The following LRRC37A2 variants were observed in gnomAD, a reference collection of about 807,000 sequenced individuals.
LRRC37A2 encodes leucine rich repeat containing 37 member A2, also known as leucine-rich repeat-containing protein 37A2.
A neutral mutation model predicts 68.8 loss-of-function variants in LRRC37A2; 9 were observed. That is an observed-to-expected ratio of 0.13 (90% confidence interval 0.08 to 0.23). LRRC37A2 has a LOEUF of 0.23. Ranked by LOEUF, LRRC37A2 falls within the 10% of genes least tolerant of loss-of-function variation. LRRC37A2 has a pLI of 1.00. For synonymous variants in LRRC37A2, 63 were observed against 367.6 expected, an observed-to-expected ratio of 0.17 and a Z score of 9.48; for missense variants, 168 against 950.4, an observed-to-expected ratio of 0.18 and a Z score of 10.82.
At chr17:46,631,157 A>G in the LRRC37A2 span, among the ~76,000 whole-genome samples, 16,909 of 136,772 alleles carry the variant, frequency 0.12, 15 homozygotes, top group Non-Finnish European at 0.18. Flanking sequence ...AATTTTTTCT[A>G]AGTTAGATGG....
the LRRC37A2 span, among the ~76,000 whole-genome samples, chr17:46,786,189 C>G: frequency 2.6e-5 from 4 of 151,768 alleles, no homozygotes; most frequent in Non-Finnish European, 5.9e-5. Context: ...CTGGTGGGAC[C>G]TGGGGAGGAG....
the LRRC37A2 span, among the ~76,000 whole-genome samples, chr17:46,777,188 C>T: frequency 1.3e-5 from 2 of 151,910 alleles, no homozygotes; most frequent in East Asian, 1.9e-4. Context: ...CCAGCTTGGG[C>T]GACAGAGCGA....
the LRRC37A2 span, among the ~76,000 whole-genome samples, chr17:46,988,901 G>A: frequency 0.47 from 70,767 of 151,978 alleles, 17,160 homozygotes; most frequent in Non-Finnish European, 0.54. Context: ...AGTCTGGAGA[G>A]GAAGACAAGT....
chr17:46,730,769 A>C, the LRRC37A2 span, among the ~76,000 whole-genome samples: 1 of 152,168 alleles, frequency 6.6e-6, no homozygotes, highest in South Asian at 2.1e-4. Flanking sequence ...ACATTCAAAA[A>C]TAAGTAAAGT....
chr17:46,985,087 T>C, the LRRC37A2 span, among the ~76,000 whole-genome samples: 208 of 152,318 alleles, frequency 1.4e-3, no homozygotes, highest in African/African-American at 4.6e-3. Flanking sequence ...ACGTTTCAAA[T>C]TGGCAGAGGG....
the LRRC37A2 span, among the ~76,000 whole-genome samples, chr17:46,814,495 C>T: frequency 3.3e-5 from 5 of 152,188 alleles, no homozygotes; most frequent in Admixed American, 6.5e-5. Flanking sequence ...CTAATTTCCC[C>T]GCCATATCCC....
the LRRC37A2 span, among the ~76,000 whole-genome samples, chr17:46,955,963 C>A: frequency 6.6e-6 from 1 of 152,180 alleles, no homozygotes; most frequent in Non-Finnish European, 1.5e-5. Flanking sequence ...CCATTGGGAT[C>A]CAGATGCTGT....
At chr17:46,540,530 A>C (rs1256919363) in intron 7 of LRRC37A2, among the ~76,000 whole-genome samples, 1 of 148,448 alleles carries the variant, frequency 6.7e-6, no homozygotes, top group Non-Finnish European at 1.5e-5. Context: ...AAAGGTGTTC[A>C]TTATTCTAAA....
At chr17:46,871,495 G>T in the LRRC37A2 span, among the ~76,000 whole-genome samples, 3 of 152,132 alleles carry the variant, frequency 2.0e-5, no homozygotes, top group Non-Finnish European at 4.4e-5. Context: ...GGGAGACTCT[G>T]CTTAGCTGGA....
the LRRC37A2 span, chr17:47,018,505 C>G: frequency 6.6e-7 from 1 of 1,522,146 alleles, no homozygotes; most frequent in African/African-American, 1.4e-5. Flanking sequence ...CACCAGCAGG[C>G]TACAGCTCAG....
chr17:46,822,458 G>A, the LRRC37A2 span, among the ~76,000 whole-genome samples: 1 of 152,242 alleles, frequency 6.6e-6, no homozygotes, highest in Non-Finnish European at 1.5e-5. Context: ...ACAAAGGAGC[G>A]CAGGTGCACG....
chr17:46,981,230 G>C, the LRRC37A2 span, among the ~76,000 whole-genome samples: 1 of 152,204 alleles, frequency 6.6e-6, no homozygotes, highest in South Asian at 2.1e-4. Context: ...AGGCATCACA[G>C]AGCCTCTGCT....
At chr17:46,746,305 GT>G in the LRRC37A2 span, among the ~76,000 whole-genome samples, 3 of 152,116 alleles carry the variant, frequency 2.0e-5, no homozygotes, top group Non-Finnish European at 4.4e-5. Flanking sequence ...ATGGCTAATT[GT>G]ACCAGAGGGT....
chr17:46,783,234 C>G, the LRRC37A2 span, among the ~76,000 whole-genome samples: 1 of 152,186 alleles, frequency 6.6e-6, no homozygotes, highest in Non-Finnish European at 1.5e-5. Context: ...CATGAAGGAG[C>G]AGCTGCCCGG....
chr17:47,028,033 T>C, the LRRC37A2 span, among the ~76,000 whole-genome samples: 1 of 152,224 alleles, frequency 6.6e-6, no homozygotes. Flanking sequence ...TGAAATCCTG[T>C]TCTAGAGAAA....
At chr17:46,947,791 G>GCA in the LRRC37A2 span, among the ~76,000 whole-genome samples, 1 of 152,116 alleles carries the variant, frequency 6.6e-6, no homozygotes, top group Non-Finnish European at 1.5e-5. Flanking sequence ...TTTTTGAGAT[G>GCA]GAGTTTCACT....
chr17:47,021,149 G>A, the LRRC37A2 span, among the ~76,000 whole-genome samples: 2 of 152,146 alleles, frequency 1.3e-5, no homozygotes, highest in Non-Finnish European at 2.9e-5. Flanking sequence ...TACACAATGA[G>A]GTATGGAAAG....
chr17:46,494,518 T>C, the LRRC37A2 span, among the ~76,000 whole-genome samples: 1 of 149,892 alleles, frequency 6.7e-6, no homozygotes, highest in Admixed American at 6.6e-5. Flanking sequence ...TTATGAACAC[T>C]GCAGTTTGAA....
chr17:46,797,393 C>T, the LRRC37A2 span, among the ~76,000 whole-genome samples: 2 of 152,060 alleles, frequency 1.3e-5, no homozygotes, highest in African/African-American at 4.8e-5. Context: ...AAGTTCAGGG[C>T]CAAGTGGAGG....
Sources: allele counts gnomAD v4.1 joint callset (sites outside exome capture counted in the v4.1 genomes callset), GRCh38; gene constraint gnomAD v4.1.1; transcripts MANE v1.5; gene names NCBI Gene and HGNC (gene_info 2026-07-23, HGNC 2026-07-21).